The following UBASH3A variants were observed in gnomAD, a reference collection of about 807,000 sequenced individuals.
UBASH3A encodes ubiquitin associated and SH3 domain containing A, also known as ubiquitin-associated and SH3 domain-containing protein A.
UBASH3A carries 63 observed loss-of-function variants against 73.5 expected under a neutral mutation model. That is an observed-to-expected ratio of 0.86 (90% CI 0.70 to 1.06). UBASH3A has a LOEUF of 1.06. UBASH3A is among the 50% of genes least tolerant of loss of function. The probability of loss-of-function intolerance (pLI) is 0.00; values close to 1 mark genes in which losing one functional copy is unlikely to be tolerated. For synonymous variants in UBASH3A, 363 were observed against 351.1 expected (o/e 1.03, Z -0.38); for missense variants, 860 against 859.0 (o/e 1.00, Z -0.02).
chr21:42,447,125 A>G lies in UBASH3A; in HGVS notation c.1917A>G (p.Pro639=). 3 of 1,614,116 alleles carry G rather than the reference A, an allele frequency of 1.9e-6. No individual in the cohort carries two copies. The highest frequency in any genetic ancestry group is 2.5e-6 in the Non-Finnish European group (3 of 1,179,988). ...KEEGKWELVN[P]PVKTLTHGAN... ...AAGGAAAATGGGAGTTGGTGAACCCACCGGTGAAGACCCTGACCCACGGGG... is the reference window on the plus strand; with the variant it reads ...AAGGAAAATGGGAGTTGGTGAACCCGCCGGTGAAGACCCTGACCCACGGGG... The change falls in exon 15 of 15, where the codon CCA becomes CCG. Residue 639 remains proline, a synonymous_variant. Coordinates refer to ENST00000319294, the MANE Select transcript of UBASH3A (RefSeq NM_018961.4).
At chr21:42,417,210 G>A (rs7281108) in intron 6 of UBASH3A, among the ~76,000 whole-genome samples, 2,604 of 151,924 alleles carry the variant, frequency 0.017, 75 homozygotes, top group African/African-American at 0.058. Flanking sequence ...ATCACTTCAG[G>A]TCAGGTGTTC....
In UBASH3A at chr21:42,439,041, T is replaced by C. The variant is rs577561747; in HGVS notation, c.1486+1461T>C. Among the ~76,000 whole-genome samples, 8 of 152,250 alleles carry C rather than the reference T, an allele frequency of 5.3e-5. No homozygotes were observed. In the South Asian group the frequency reaches 8.3e-4, roughly 16 times the overall value. ...CACACATGTGCATTGCCGGTTCCCA[T>C]GTCCTCAGATCCCCTTCGCCCCGTC... On this transcript the variant is annotated intron_variant, in intron 11 of 14. Coordinates refer to ENST00000319294, the MANE Select transcript of UBASH3A (RefSeq NM_018961.4).
chr21:42,442,667 G>C (rs765836921), intron 12 of UBASH3A, 71 bp downstream of exon 12: 1 of 1,504,374 alleles, frequency 6.6e-7, no homozygotes, highest in East Asian at 2.3e-5. Flanking sequence ...TCATGACACT[G>C]TTAAAATGGT....
rs769647405 is a variant in UBASH3A at position 42,432,212 on chromosome 21, A to T, written c.1270+10A>T. The T allele has an allele frequency of 1.9e-6, 3 of 1,588,992 alleles. No individual in the cohort carries two copies. The South Asian group carries it at 3.3e-5, about 18-fold the overall frequency. On this transcript the variant is annotated intron_variant, in intron 9 of 14. Transcript: ENST00000319294. ...TGCTCCACTCCTGATGGTAGGTCAC[A>T]CTCAGGCGGGTCTACGGACAGAAAC...
Position 42,404,008 on chromosome 21 carries a change from C to A in UBASH3A, c.63C>A (p.Ser21Arg). Residue 21 changes from serine to arginine, a missense_variant, in exon 1 of 15, where the codon AGC becomes AGA. By Grantham distance (110) the Ser-to-Arg change is moderately radical. Coordinates refer to ENST00000319294, the MANE Select transcript of UBASH3A (RefSeq NM_018961.4). ...CCAACAAGCTCAAGAGCCGCAGCAG[C>A]CCCTCGCTCCTGGAGCCCCTCCTGG... ...KVSNKLKSRS[S>R]PSLLEPLLAM... The A allele has an allele frequency of 6.5e-7, 1 of 1,529,854 alleles. No individual in the cohort carries two copies. The highest frequency in any genetic ancestry group is 8.8e-7 in the Non-Finnish European group (1 of 1,134,766). 94.8% of individuals were successfully genotyped at this position (1,529,854 alleles called of 1,614,324 possible). A position where few individuals can be genotyped will look rare whatever the true frequency, so the allele number is the denominator to read the frequency against.
Position 42,418,436 on chromosome 21 carries a change from C to T in UBASH3A, c.873C>T (p.Asn291=), listed in dbSNP as rs760117439. The change falls in exon 7 of 15, where the codon AAC becomes AAT. Residue 291 remains asparagine (N), a synonymous_variant. Coordinates refer to ENST00000319294, the MANE Select transcript of UBASH3A (RefSeq NM_018961.4). ...LRALFQYKPQ[N]VDELTLSPGD... Reference sequence around the variant, plus strand: ...CCCTATTCCAGTACAAACCCCAGAACGTGGATGAGCTGACGCTAAGTCCTG... The same window carrying T: ...CCCTATTCCAGTACAAACCCCAGAATGTGGATGAGCTGACGCTAAGTCCTG... The T allele has an allele frequency of 2.2e-5, 36 of 1,614,078 alleles. No individual in the cohort carries two copies. The highest frequency in any genetic ancestry group is 2.9e-5 in the Non-Finnish European group (34 of 1,180,032).
chr21:42,444,405 G>C (rs2053809983), intron 13 of UBASH3A, 129 bp from the exon 14 acceptor site: 1 of 723,162 alleles, frequency 1.4e-6, no homozygotes, highest in African/African-American at 1.7e-5. Flanking sequence ...ACTACTTCTA[G>C]CCCGGGGGTC....
chr21:42,445,565 T>G (rs3788016), intron 14 of UBASH3A, among the ~76,000 whole-genome samples: 2 of 152,038 alleles, frequency 1.3e-5, no homozygotes, highest in South Asian at 4.1e-4. Flanking sequence ...ACCAGCCAGG[T>G]GCCTGCAGGA....
chr21:42,443,848 G>A (rs1277305603), intron 13 of UBASH3A, among the ~76,000 whole-genome samples: 1 of 151,558 alleles, frequency 6.6e-6, no homozygotes, highest in East Asian at 1.9e-4. Context: ...CCCATCCTGG[G>A]ACTGAATGCT....
intron 11 of UBASH3A, among the ~76,000 whole-genome samples, chr21:42,440,306 T>C (rs1319526496): frequency 6.6e-6 from 1 of 152,188 alleles, no homozygotes; most frequent in Non-Finnish European, 1.5e-5. Flanking sequence ...TCTCCGAGTA[T>C]CTGGGGACCC....
chr21:42,447,035 G>C (rs1463636356), intron 14 of UBASH3A, 22 bp from the exon 15 acceptor site: 1 of 1,606,120 alleles, frequency 6.2e-7, no homozygotes, highest in Non-Finnish European at 8.5e-7. Context: ...ATATTAACAA[G>C]TGATTTAAAA....
chr21:42,434,313 C>T (rs188495262), intron 9 of UBASH3A, among the ~76,000 whole-genome samples: 39 of 151,352 alleles, frequency 2.6e-4, no homozygotes, highest in Admixed American at 2.1e-3. Context: ...ACCCTGGCAC[C>T]GGGCAGCCTC....
intron 7 of UBASH3A, 25 bp from the exon 8 acceptor site, chr21:42,426,672 A>G: frequency 6.2e-7 from 1 of 1,612,444 alleles, no homozygotes; most frequent in South Asian, 1.1e-5. Flanking sequence ...ACTTCTGTTC[A>G]AGCCGTGCTT....
chr21:42,437,527 T>G lies in UBASH3A; in HGVS notation c.1433T>G (p.Val478Gly). ...LLDSGIRISS[V>G]FASPALRCVQ... is the part of the protein sequence containing the mutation. ...GACAGTGGTATCAGAATCAGCTCTG[T>G]GTTTGCCTCCCCAGCCCTCCGCTGT... The change falls in exon 11 of 15, where the codon GTG (valine) becomes GGG (glycine). Residue 478 changes from valine to glycine, a missense_variant. Val to Gly is a moderately radical substitution (Grantham distance 109). Coordinates refer to ENST00000319294, the MANE Select transcript of UBASH3A (RefSeq NM_018961.4). 1 of 1,614,226 alleles carries G rather than the reference T, an allele frequency of 6.2e-7. No homozygotes were observed. The highest frequency in any genetic ancestry group is 1.1e-5 in the South Asian group (1 of 91,086).
intron 9 of UBASH3A, among the ~76,000 whole-genome samples, chr21:42,434,055 G>A (rs182150725): frequency 2.5e-4 from 38 of 152,212 alleles, no homozygotes; most frequent in African/African-American, 8.7e-4. Context: ...TCCTGTGTGA[G>A]GATAATCAGT....
At position 42,442,556 on chromosome 21, in the gene UBASH3A, G is replaced by A; in HGVS notation, c.1591G>A (p.Glu531Lys). ...CACCCCAACCCTCATGAGCCTGGAA[G>A]AGCTGAAAGAGGCAAATTTCAACAT... is the stretch of plus-strand genomic sequence containing the variant. ...KTTPTLMSLE[E>K]LKEANFNIDT... Residue 531 changes from glutamate to lysine, a missense_variant, in exon 12 of 15, where the codon GAG becomes AAG. Physicochemically the swap from Glu to Lys is moderately conservative, Grantham distance 56. Coordinates refer to ENST00000319294, the MANE Select transcript of UBASH3A (RefSeq NM_018961.4). 6.2e-7 allele frequency: 1 copy of A among 1,614,140 alleles called. No individual in the cohort carries two copies. Among genetic ancestry groups the A allele is most frequent in the Non-Finnish European group, 8.5e-7 (1 of 1,180,022 alleles).
Position 42,418,471 on chromosome 21 carries a change from T to C in UBASH3A, c.908T>C (p.Ile303Thr). The C allele has an allele frequency of 6.2e-7, 1 of 1,614,222 alleles. No individual in the cohort carries two copies. The highest frequency in any genetic ancestry group is 8.5e-7 in the Non-Finnish European group (1 of 1,180,036). Reference sequence around the variant, plus strand: ...CTGACGCTAAGTCCTGGTGACTACATCTTTGTGGACCCCACGCAGCAGGAC... The same window carrying C: ...CTGACGCTAAGTCCTGGTGACTACACCTTTGTGGACCCCACGCAGCAGGAC... ...DELTLSPGDY[I>T]FVDPTQQDEA... Residue 303 changes from isoleucine (I) to threonine (T), a missense_variant, in exon 7 of 15, where the codon ATC becomes ACC. By Grantham distance (89) the Ile-to-Thr change is moderately conservative. Coordinates refer to ENST00000319294, the MANE Select transcript of UBASH3A (RefSeq NM_018961.4).
chr21:42,445,260 C>T (rs2053825301), intron 14 of UBASH3A, among the ~76,000 whole-genome samples: 1 of 152,160 alleles, frequency 6.6e-6, no homozygotes, highest in South Asian at 2.1e-4. Flanking sequence ...AGATCCCACC[C>T]CAGTCCCAGC....
At chr21:42,407,356 C>A (rs1302460512) in intron 2 of UBASH3A, among the ~76,000 whole-genome samples, 4 of 152,172 alleles carry the variant, frequency 2.6e-5, no homozygotes, top group Admixed American at 2.0e-4. Flanking sequence ...GATGCCCCCT[C>A]CTCCTCCAGA....
Sources: gnomAD v4.1 joint callset for allele counts (sites outside exome capture counted in the v4.1 genomes callset) on GRCh38, gnomAD v4.1.1 for gene constraint, MANE v1.5 for transcripts, NCBI Gene and HGNC (gene_info 2026-07-23, HGNC 2026-07-21) for gene names.